TNXB: variants seen among roughly 807,000 people sequenced by gnomAD.
TNXB encodes the protein tenascin XB.
A neutral mutation model predicts 340.5 loss-of-function variants in TNXB; 183 were observed. The ratio of observed to expected loss-of-function variants is 0.54; its 90% CI spans 0.48 to 0.61. TNXB has a LOEUF of 0.61. TNXB is among the 20% of genes least tolerant of loss of function. The pLI is 0.00. For missense variants in TNXB, 4,613 were observed against 5,446.4 expected (o/e 0.85, Z 4.82); for synonymous variants, 2,121 against 2,314.5 (o/e 0.92, Z 2.40).
At position 32,089,060 on chromosome 6, in the gene TNXB, A is replaced by G. The variant is rs1321423988; in HGVS notation, c.2516-12T>C. 1.2e-6 allele frequency: 2 copies of G among 1,605,522 alleles called. No individual in the cohort carries two copies. The highest frequency in any genetic ancestry group is 1.7e-6 in the Non-Finnish European group (2 of 1,175,662). On this transcript the variant is annotated splice_polypyrimidine_tract_variant and intron_variant, in intron 5 of 43. Coordinates refer to ENST00000644971, the MANE Select transcript of TNXB (RefSeq NM_001365276.2). The surrounding 1 kb of genome is among the most constrained non-coding windows in gnomAD (Gnocchi z 6.2). Reference sequence around the variant, plus strand: ...GGGCCCATCGATCACTAGCCAGGTTAAAGAGGAGGACTCAGGTGGGTGTCT... The same window carrying G: ...GGGCCCATCGATCACTAGCCAGGTTGAAGAGGAGGACTCAGGTGGGTGTCT...
chr6:32,087,208 G>A lies in TNXB; in HGVS notation c.2780-1090C>T, dbSNP rs1459954847. On this transcript the variant is annotated intron_variant, in intron 6 of 43. Transcript: ENST00000644971. This position sits in a 1 kb window ranked among gnomAD's most constrained non-coding sequence, Gnocchi z 9.0. Reference sequence around the variant, plus strand: ...AATGCAGGCTCCAACGGCAGGTGAGGCTGGACAAGGGATAGGTGTCCCGTG... The same window carrying A: ...AATGCAGGCTCCAACGGCAGGTGAGACTGGACAAGGGATAGGTGTCCCGTG... The A allele has an allele frequency of 8.4e-6, 4 of 477,730 alleles. No individual in the cohort carries two copies. The highest frequency in any genetic ancestry group is 1.7e-5 in the Non-Finnish European group (4 of 240,142). The allele number at this position is 477,730 out of a possible 1,614,324, so 29.6% of individuals were successfully genotyped here.
In TNXB at chr6:32,052,663, T is replaced by A; in HGVS notation, c.9115+7A>T. 1 of 1,611,608 alleles carries A rather than the reference T, an allele frequency of 6.2e-7. No individual in the cohort carries two copies. The highest frequency in any genetic ancestry group is 1.1e-5 in the South Asian group (1 of 91,042). On this transcript the variant is annotated splice_region_variant and intron_variant, in intron 26 of 43. Transcript: ENST00000644971. The surrounding 1 kb of genome is among the most constrained non-coding windows in gnomAD (Gnocchi z 4.7). ...TTCCCCACCTCGCCTCACTCACACTTACTCACCTGTCACACCCACAGCGGA... is the reference window on the plus strand; with the variant it reads ...TTCCCCACCTCGCCTCACTCACACTAACTCACCTGTCACACCCACAGCGGA...
intron 1 of TNXB, among the ~76,000 whole-genome samples, chr6:32,106,620 C>T (rs922698243): frequency 3.9e-5 from 6 of 152,194 alleles, no homozygotes; most frequent in Non-Finnish European, 8.8e-5. Context: ...CAGCAAGAGA[C>T]GGAAAGGGAG....
chr6:32,106,459 G>GA (rs1780985166), intron 1 of TNXB, among the ~76,000 whole-genome samples: 2 of 152,036 alleles, frequency 1.3e-5, no homozygotes, highest in African/African-American at 4.8e-5. Flanking sequence ...AGGAGTGGGG[G>GA]ATGTGTCACT....
In TNXB at chr6:32,086,022, C is replaced by T. The variant is rs768206893; in HGVS notation, c.2876G>A (p.Arg959His). The T allele has an allele frequency of 1.2e-5, 20 of 1,606,002 alleles. No individual in the cohort carries two copies. The highest frequency in any genetic ancestry group is 3.3e-5 in the South Asian group (3 of 89,622). Residue 959 changes from arginine to histidine, a missense_variant, in exon 7 of 44, where the codon CGC becomes CAC. Coordinates refer to ENST00000644971, the MANE Select transcript of TNXB (RefSeq NM_001365276.2). ...CCTCAACTCTCCCAGCTCCTGGGGG[C>T]GCTGCTGCAGGAGAGGAGCCTGGGC... ...QGAQAPLLQQRPQELGELRVL... is the reference protein window; with the variant it reads ...QGAQAPLLQQHPQELGELRVL...
intron 6 of TNXB, 76 bp from the exon 7 acceptor site, chr6:32,086,194 T>C (rs1298659883): frequency 7.1e-7 from 1 of 1,416,720 alleles, no homozygotes. Flanking sequence ...CCCCAGGTTC[T>C]GCCCTCCAGC....
In TNXB at chr6:32,108,805, C is replaced by T. The variant is rs1242632543; in HGVS notation, c.-9+376G>A. ...CAGCTGGCCACCAGTTCAGCCTAGT[C>T]CTATCTTCCCGCTAGCCCCAGCACC... On this transcript the variant is annotated intron_variant, in intron 1 of 43. Coordinates refer to ENST00000644971, the MANE Select transcript of TNXB (RefSeq NM_001365276.2). This position sits in a 1 kb window ranked among gnomAD's most constrained non-coding sequence, Gnocchi z 4.8. Among the ~76,000 whole-genome samples the T allele has an allele frequency of 6.6e-6, 1 of 152,114 alleles. No homozygotes were observed. The highest frequency in any genetic ancestry group is 2.4e-5 in the African/African-American group (1 of 41,406).
At position 32,072,033 on chromosome 6, in the gene TNXB, C is replaced by G. The variant is rs1335605696; in HGVS notation, c.4947G>C (p.Gln1649His). 1.2e-6 allele frequency: 2 copies of G among 1,609,022 alleles called. No individual in the cohort carries two copies. The highest frequency in any genetic ancestry group is 4.5e-5 in the East Asian group (2 of 44,862). Residue 1649 changes from glutamine to histidine, a missense_variant, in exon 13 of 44, where the codon CAG becomes CAC. Coordinates refer to ENST00000644971, the MANE Select transcript of TNXB (RefSeq NM_001365276.2). This position sits in a 1 kb window ranked among gnomAD's most constrained non-coding sequence, Gnocchi z 4.4. ...AGACTGGGCTGCGTCGTTTCCCATC[C>G]TGGATCCCAAAGAGCAGGAACTTGT... ...RKYKFLLFGI[Q>H]DGKRRSPVSV...
chr6:32,081,898 T>TGCC lies in TNXB; in HGVS notation c.3736+135_3736+137dup. 1.2e-6 allele frequency: 1 copy of TGCC among 868,862 alleles called. No individual in the cohort carries two copies. The highest frequency in any genetic ancestry group is 2.4e-5 in the Admixed American group (1 of 41,736). The allele number at this position is 868,862 out of a possible 1,614,324, so 53.8% of individuals were successfully genotyped here. Reference sequence around the variant, plus strand: ...GCCCAGCAGTGCGGGGGAGTCTGGCTGCCCCTCAGCCCTGGAGTGGGGCCG... The same window carrying TGCC: ...GCCCAGCAGTGCGGGGGAGTCTGGCTGCCGCCCCTCAGCCCTGGAGTGGGGCCG... On this transcript the variant is annotated intron_variant, in intron 9 of 43. Coordinates refer to ENST00000644971, the MANE Select transcript of TNXB (RefSeq NM_001365276.2). The surrounding 1 kb of genome is among the most constrained non-coding windows in gnomAD (Gnocchi z 5.1).
rs775167267 is a variant in TNXB at position 32,069,585 on chromosome 6, C to G, written c.5555G>C (p.Arg1852Pro). 6 of 1,592,482 alleles carry G rather than the reference C, an allele frequency of 3.8e-6. No individual in the cohort carries two copies. The highest frequency in any genetic ancestry group is 5.1e-6 in the Non-Finnish European group (6 of 1,166,308). ...GGCGACGGCCGAGATGGGGCCCACA[C>G]GCTTGCCGTGGTGCAGCCCGTAGAG... ...LLLYGLHHGKRVGPISAVAIT... is the reference protein window; with the variant it reads ...LLLYGLHHGKPVGPISAVAIT... The change falls in exon 15 of 44, where the codon CGT (arginine) becomes CCT (proline). Residue 1852 changes from arginine to proline, a missense_variant. Coordinates refer to ENST00000644971, the MANE Select transcript of TNXB (RefSeq NM_001365276.2). This position sits in a 1 kb window ranked among gnomAD's most constrained non-coding sequence, Gnocchi z 6.2.
chr6:32,048,100 T>C, intron 29 of TNXB, 88 bp from the exon 30 acceptor site: 1 of 1,466,360 alleles, frequency 6.8e-7, no homozygotes, highest in Non-Finnish European at 9.2e-7. Flanking sequence ...TGTGAGCCGG[T>C]CCCAGGAACG....
rs1444955696 is a variant in TNXB, at chr6:32,061,602, G to A, written c.7287C>T (p.Leu2429=). 9.3e-6 allele frequency: 15 copies of A among 1,613,012 alleles called. No individual in the cohort carries two copies. The African/African-American group carries it at 9.3e-5, about 10-fold the overall frequency. The change falls in exon 21 of 44, where the codon CTC becomes CTT. Residue 2429 remains leucine (L), a synonymous_variant. Coordinates refer to ENST00000644971, the MANE Select transcript of TNXB (RefSeq NM_001365276.2). This position sits in a 1 kb window ranked among gnomAD's most constrained non-coding sequence, Gnocchi z 4.4. ...AGCGGCCCTGGGGGACGGTCCAGGAGAGGCTCAGCGAGTCAGGGGAGGATC... is the reference window on the plus strand; with the variant it reads ...AGCGGCCCTGGGGGACGGTCCAGGAAAGGCTCAGCGAGTCAGGGGAGGATC... ...VTGSSPDSLS[L]SWTVPQGRFD...
intron 11 of TNXB, among the ~76,000 whole-genome samples, chr6:32,077,692 GTTC>G (rs1779154573): frequency 6.6e-6 from 1 of 152,226 alleles, no homozygotes; most frequent in African/African-American, 2.4e-5. Flanking sequence ...TGGAAGGGAT[GTTC>G]TTCTTTGCTG....
Position 32,095,170 on chromosome 6 carries a change from A to G in TNXB, c.2264T>C (p.Met755Thr). The G allele has an allele frequency of 1.3e-6, 2 of 1,549,220 alleles. No individual in the cohort carries two copies. The highest frequency in any genetic ancestry group is 8.7e-7 in the Non-Finnish European group (1 of 1,145,572). ...CGEEVPTIEG[M>T]RMHLLEETTV... The stretch of plus-strand genomic sequence containing the variant: ...TGTCTCCTCCAAGAGATGCATCCTC[A>G]TGCCCTCAATGGTTGGCACCTCTGC... The change falls in exon 4 of 44, where the codon ATG becomes ACG. Residue 755 changes from methionine to threonine, a missense_variant. By Grantham distance (81) the Met-to-Thr change is moderately conservative. Transcript: ENST00000644971.
At position 32,096,659 on chromosome 6, in the gene TNXB, G is replaced by C. The variant is rs1420377180; in HGVS notation, c.1194C>G (p.Asp398Glu). 6.4e-7 allele frequency: 1 copy of C among 1,554,484 alleles called. No homozygotes were observed. The highest frequency in any genetic ancestry group is 1.4e-5 in the African/African-American group (1 of 73,328). The change falls in exon 3 of 44, where the codon GAC (aspartate) becomes GAG (glutamate). Residue 398 changes from aspartate (D) to glutamate (E), a missense_variant. By Grantham distance (45) the Asp-to-Glu change is conservative (BLOSUM62 2). Coordinates refer to ENST00000644971, the MANE Select transcript of TNXB (RefSeq NM_001365276.2). ...CGCCAGGGCAGCTGCGCACGCCGCA[G>C]TCGTCCCCGCTGTAGCCCGTGTCGC... Reference protein sequence around the residue: ...CICDTGYSGDDCGVRSCPGDC... With the variant: ...CICDTGYSGDECGVRSCPGDC...
rs768743709 is a variant in TNXB, at chr6:32,058,329, C to T, written c.7554G>A (p.Gly2518=). 1.2e-6 allele frequency: 2 copies of T among 1,611,808 alleles called. No individual in the cohort carries two copies. The highest frequency in any genetic ancestry group is 2.7e-5 in the African/African-American group (2 of 74,526). Residue 2518 remains glycine, a synonymous_variant, in exon 22 of 44, where the codon GGG becomes GGA. Transcript: ENST00000644971. This position sits in a 1 kb window ranked among gnomAD's most constrained non-coding sequence, Gnocchi z 5.1. ...SPTEPGTEAP[G]PPEEPLLGEL... ...CCCCCAGGAGAGGCTCCTCGGGGGG[C>T]CCTGGGGCCTCTGTGCCTGGTTCTG... is the stretch of plus-strand genomic sequence containing the variant.
rs750688283 is a variant in TNXB at position 32,068,559 on chromosome 6, G to T, written c.6051C>A (p.Phe2017Leu). 2 of 1,613,992 alleles carry T rather than the reference G, an allele frequency of 1.2e-6. No individual in the cohort carries two copies. The highest frequency in any genetic ancestry group is 2.2e-5 in the South Asian group (2 of 91,080). The change falls in exon 17 of 44, where the codon TTC (phenylalanine) becomes TTA (leucine). Residue 2017 changes from phenylalanine to leucine, a missense_variant. Physicochemically the swap from Phe to Leu is conservative, Grantham distance 22. Transcript: ENST00000644971. The surrounding 1 kb of genome is among the most constrained non-coding windows in gnomAD (Gnocchi z 5.3). Reference protein sequence around the residue: ...WTVPEGQFDHFLVQYRNGDGQ... With the variant: ...WTVPEGQFDHLLVQYRNGDGQ... ...CATCTCCATTCCTGTACTGGACCAGGAAGTGGTCAAACTGTCCCTCGGGAA... is the reference window on the plus strand; with the variant it reads ...CATCTCCATTCCTGTACTGGACCAGTAAGTGGTCAAACTGTCCCTCGGGAA...
chr6:32,085,701 C>G lies in TNXB; in HGVS notation c.3148+49G>C. ...ACCTCTGAAGTCCCAATAACCCCAG[C>G]TCCTCCCCCAATCTCAGGATATTGA... On this transcript the variant is annotated intron_variant, in intron 7 of 43. Transcript: ENST00000644971. The surrounding 1 kb of genome is among the most constrained non-coding windows in gnomAD (Gnocchi z 6.4). The G allele has an allele frequency of 1.3e-6, 2 of 1,488,420 alleles. No homozygotes were observed. The highest frequency in any genetic ancestry group is 1.8e-6 in the Non-Finnish European group (2 of 1,119,134). 92.2% of individuals were successfully genotyped at this position (1,488,420 alleles called of 1,614,324 possible).
Position 32,069,135 on chromosome 6 carries a change from G to A in TNXB, c.5589C>T (p.Ala1863=), listed in dbSNP as rs927961983. 2.9e-5 allele frequency: 46 copies of A among 1,604,380 alleles called. No homozygotes were observed. The highest frequency in any genetic ancestry group is 4.0e-5 in the African/African-American group (3 of 74,864). The change falls in exon 16 of 44, where the codon GCC becomes GCT. Residue 1863 remains alanine, a splice_region_variant and synonymous_variant. Transcript: ENST00000644971. This position sits in a 1 kb window ranked among gnomAD's most constrained non-coding sequence, Gnocchi z 6.2. ...VGPISAVAIT[A]GREETETETT... is the part of the protein sequence containing the mutation. Reference sequence around the variant, plus strand: ...TCTCAGTTTCCGTTTCTTCCCTGCCGGCTGGTTCACAGAGACAGGTAGAGA... The same window carrying A: ...TCTCAGTTTCCGTTTCTTCCCTGCCAGCTGGTTCACAGAGACAGGTAGAGA...
Sources: allele counts gnomAD v4.1 joint callset (sites outside exome capture counted in the v4.1 genomes callset), GRCh38; gene constraint gnomAD v4.1.1; non-coding constraint Gnocchi (gnomAD v3.1); transcripts MANE v1.5; gene names NCBI Gene and HGNC (gene_info 2026-07-23, HGNC 2026-07-21).